The following SAMMSON variants were observed in gnomAD, a reference collection of about 807,000 sequenced individuals.
SAMMSON encodes the protein long intergenic non-protein coding RNA 1212.
intron 2 of SAMMSON, among the ~76,000 whole-genome samples, chr3:70,427,939 A>G (rs1038136716): frequency 1.3e-5 from 2 of 152,162 alleles, no homozygotes; most frequent in South Asian, 2.1e-4. Context: ...GTATTTCTAT[A>G]TACTAACAAT....
chr3:70,043,268 T>C (rs2067112418), intron 3 of SAMMSON, among the ~76,000 whole-genome samples: 1 of 152,132 alleles, frequency 6.6e-6, no homozygotes, highest in Admixed American at 6.6e-5. Flanking sequence ...GTTTTATCAC[T>C]GCATCTCACG....
At chr3:70,327,523 A>G (rs1702588433) in intron 7 of SAMMSON, among the ~76,000 whole-genome samples, 1 of 152,154 alleles carries the variant, frequency 6.6e-6, no homozygotes, top group South Asian at 2.1e-4. Context: ...CTGTGTCCTG[A>G]AGAGAAGGCT....
chr3:70,272,097 C>A (rs1245579679), intron 6 of SAMMSON: 3 of 152,144 alleles, frequency 2.0e-5, no homozygotes, highest in Admixed American at 6.6e-5. Context: ...TAACAACAAT[C>A]CCCAAATATC....
intron 3 of SAMMSON, among the ~76,000 whole-genome samples, chr3:70,031,007 T>C (rs1056170052): frequency 7.9e-5 from 12 of 152,158 alleles, no homozygotes; most frequent in Non-Finnish European, 2.9e-5. Flanking sequence ...AAATTGAACA[T>C]AGATTTACTA....
At chr3:70,396,194 T>A (rs189251439) in intron 2 of SAMMSON, among the ~76,000 whole-genome samples, 2 of 152,300 alleles carry the variant, frequency 1.3e-5, no homozygotes, top group Admixed American at 1.3e-4. Flanking sequence ...AAAAAGAATA[T>A]CTTCCATGGC....
At chr3:70,186,412 C>A (rs1388813873) in intron 4 of SAMMSON, among the ~76,000 whole-genome samples, 3 of 151,976 alleles carry the variant, frequency 2.0e-5, no homozygotes, top group Non-Finnish European at 4.4e-5. Context: ...TGCATGCCAC[C>A]ATGCCTGGCT....
intron 4 of SAMMSON, among the ~76,000 whole-genome samples, chr3:70,081,382 G>A (rs1247116281): frequency 6.6e-6 from 1 of 152,118 alleles, no homozygotes; most frequent in Non-Finnish European, 1.5e-5. Flanking sequence ...CAAAGTGGAG[G>A]GATTACAGGC....
chr3:70,108,386 G>C (rs2067375367), intron 4 of SAMMSON, among the ~76,000 whole-genome samples: 2 of 128,862 alleles, frequency 1.6e-5, no homozygotes, highest in African/African-American at 2.9e-5. Flanking sequence ...GCCCCGCATA[G>C]CTTATCCATG....
chr3:70,356,842 C>T (rs1056585314), intron 8 of SAMMSON, among the ~76,000 whole-genome samples: 3 of 152,096 alleles, frequency 2.0e-5, no homozygotes, highest in Non-Finnish European at 4.4e-5. Context: ...CATGACACCA[C>T]CCAGAGCAGT....
In SAMMSON at chr3:70,359,238, G is replaced by A. The variant is rs576978477; in HGVS notation, n.913+914G>A. On this transcript the variant is annotated intron_variant and non_coding_transcript_variant, in intron 9 of 9. Coordinates refer to ENST00000642114, the Ensembl canonical transcript of SAMMSON. ...AGTTGTAGGTGGTATGTAACTTAAT[G>A]TGAGCAATCTTTTCAAGACGTAGTA... Among the ~76,000 whole-genome samples, 4 of 152,260 alleles carry A rather than the reference G, an allele frequency of 2.6e-5. 1 individual carries two copies. The highest frequency in any genetic ancestry group is 9.6e-5 in the African/African-American group (4 of 41,556).
At chr3:70,171,048 G>C (rs1324933889) in intron 4 of SAMMSON, among the ~76,000 whole-genome samples, 1 of 151,760 alleles carries the variant, frequency 6.6e-6, no homozygotes, top group Non-Finnish European at 1.5e-5. Flanking sequence ...TCATCGGAGG[G>C]CAGAATTTGG....
At chr3:70,395,999 A>C (rs1379832450) in intron 2 of SAMMSON, among the ~76,000 whole-genome samples, 2 of 152,170 alleles carry the variant, frequency 1.3e-5, no homozygotes, top group Non-Finnish European at 2.9e-5. Context: ...TAATAATTAT[A>C]ATCCCCAGCT....
chr3:70,424,895 C>T (rs984860936), intron 2 of SAMMSON: 2 of 151,622 alleles, frequency 1.3e-5, no homozygotes, highest in Non-Finnish European at 2.9e-5. Flanking sequence ...CATTGTACCT[C>T]GAGGGATAGA....
chr3:70,290,179 A>G (rs535023012), intron 6 of SAMMSON, among the ~76,000 whole-genome samples: 8,718 of 151,906 alleles, frequency 0.057, 369 homozygotes, highest in Non-Finnish European at 0.084. Context: ...TTTTTTCCCC[A>G]TCTTTGTGGT....
intron 4 of SAMMSON, among the ~76,000 whole-genome samples, chr3:70,130,745 A>G (rs948175738): frequency 6.6e-6 from 1 of 152,154 alleles, no homozygotes; most frequent in African/African-American, 2.4e-5. Flanking sequence ...GTTCTCAGCC[A>G]ATAGCTAACA....
At chr3:70,379,612 A>G (rs1703047662) in intron 9 of SAMMSON, among the ~76,000 whole-genome samples, 1 of 152,156 alleles carries the variant, frequency 6.6e-6, no homozygotes, top group African/African-American at 2.4e-5. Context: ...TTCACTGCTC[A>G]ATCAGTCATT....
At chr3:70,267,995 C>G (rs1016769043) in intron 6 of SAMMSON, among the ~76,000 whole-genome samples, 16 of 151,174 alleles carry the variant, frequency 1.1e-4, no homozygotes, top group African/African-American at 3.9e-4. Context: ...CCCCTTTCAC[C>G]TCCCCTTTCT....
intron 4 of SAMMSON, among the ~76,000 whole-genome samples, chr3:70,238,634 T>C (rs1701636255): frequency 6.6e-6 from 1 of 151,882 alleles, no homozygotes; most frequent in African/African-American, 2.4e-5. Flanking sequence ...AAAGTCTCTC[T>C]GAGAATAAAC....
intron 4 of SAMMSON, among the ~76,000 whole-genome samples, chr3:70,108,446 TA>T (rs1328331646): frequency 3.4e-5 from 5 of 147,978 alleles, no homozygotes; most frequent in African/African-American, 1.2e-4. Flanking sequence ...TTTTTTATCA[TA>T]ACTCACCTAA....
Sources: allele counts gnomAD v4.1 joint callset (sites outside exome capture counted in the v4.1 genomes callset), GRCh38; gene constraint gnomAD v4.1.1; transcripts MANE v1.5; gene names NCBI Gene and HGNC (gene_info 2026-07-23, HGNC 2026-07-21).